STX17: variants seen among roughly 807,000 people sequenced by gnomAD.
The protein encoded by STX17 is syntaxin 17.
Under a neutral mutation model 35.9 loss-of-function variants are expected in STX17, and 29 were observed. That is an observed-to-expected ratio of 0.81 (90% CI 0.60 to 1.10). The LOEUF (loss-of-function observed/expected upper bound fraction) is 1.10. STX17 is among the 50% of genes least tolerant of loss of function. The pLI is 0.00. For missense variants in STX17, 312 were observed against 352.3 expected (o/e 0.89, Z 0.92); for synonymous variants, 92 against 118.3 (o/e 0.78, Z 1.44).
intron 3 of STX17, chr9:99,945,804 G>A (rs1229188981): frequency 2.8e-5 from 10 of 354,298 alleles, no homozygotes; most frequent in South Asian, 1.5e-4. Flanking sequence ...AGTTGCGGCC[G>A]GGCGCGGTGG....
At chr9:99,908,188 G>GGT (rs1238637174) in intron 1 of STX17, among the ~76,000 whole-genome samples, 1 of 152,114 alleles carries the variant, frequency 6.6e-6, no homozygotes, top group Non-Finnish European at 1.5e-5. Flanking sequence ...TTGATCACTT[G>GGT]GTAGAGAGTG....
chr9:99,928,033 A>G (rs1203354721), intron 2 of STX17, among the ~76,000 whole-genome samples: 2 of 152,210 alleles, frequency 1.3e-5, no homozygotes, highest in Non-Finnish European at 2.9e-5. Flanking sequence ...GGGAATGTGT[A>G]AAGTATCAAA....
At chr9:99,923,844 A>G (rs1290895280) in intron 2 of STX17, among the ~76,000 whole-genome samples, 2 of 152,294 alleles carry the variant, frequency 1.3e-5, no homozygotes, top group African/African-American at 2.4e-5. Context: ...TATAAAGGAT[A>G]TTACAAGGGA....
intron 3 of STX17, among the ~76,000 whole-genome samples, chr9:99,947,654 C>T (rs1219382623): frequency 3.3e-5 from 5 of 152,156 alleles, no homozygotes; most frequent in Non-Finnish European, 7.3e-5. Flanking sequence ...GTGAGCTACT[C>T]GAGACTGGAG....
intron 4 of STX17, among the ~76,000 whole-genome samples, chr9:99,953,011 A>G (rs965176024): frequency 1.3e-5 from 2 of 152,146 alleles, no homozygotes; most frequent in African/African-American, 4.8e-5. Context: ...CATGTACCCT[A>G]GAACTTAAAG....
At chr9:99,913,384 G>A (rs2118298183) in intron 1 of STX17, among the ~76,000 whole-genome samples, 1 of 151,106 alleles carries the variant, frequency 6.6e-6, no homozygotes, top group Non-Finnish European at 1.5e-5. Context: ...TTATTCCTCT[G>A]TGTTCTGAGT....
At chr9:99,906,971 A>T (rs527790733) in intron 1 of STX17, 1 of 152,286 alleles carries the variant, frequency 6.6e-6, no homozygotes, top group East Asian at 1.9e-4. Context: ...GGGGTGGAAA[A>T]GTTTCCGGCG....
intron 4 of STX17, among the ~76,000 whole-genome samples, chr9:99,952,261 C>A (rs1157623770): frequency 2.6e-5 from 4 of 151,918 alleles, no homozygotes; most frequent in Non-Finnish European, 4.4e-5. Context: ...TTTATGCAGC[C>A]AAAAAACACA....
At chr9:99,932,543 T>C (rs142534258) in intron 3 of STX17, among the ~76,000 whole-genome samples, 53 of 152,316 alleles carry the variant, frequency 3.5e-4, no homozygotes, top group Non-Finnish European at 5.1e-4. Flanking sequence ...TTAATGAGAT[T>C]ATTATGACTT....
chr9:99,968,406 C>A, intron 7 of STX17, 28 bp from the exon 8 acceptor site: 1 of 1,520,196 alleles, frequency 6.6e-7, no homozygotes, highest in South Asian at 1.4e-5. Flanking sequence ...AACTCAGTTT[C>A]TAAATTGAAT....
intron 3 of STX17, among the ~76,000 whole-genome samples, chr9:99,933,899 A>G (rs564871719): frequency 6.6e-6 from 1 of 152,332 alleles, no homozygotes; most frequent in African/African-American, 2.4e-5. Flanking sequence ...CTTAATATTT[A>G]GTAACAATAC....
chr9:99,917,658 C>T (rs1258460076), intron 2 of STX17, among the ~76,000 whole-genome samples: 1 of 152,122 alleles, frequency 6.6e-6, no homozygotes, highest in East Asian at 1.9e-4. Context: ...AGAATGTAAT[C>T]CTGAAATTTG....
At chr9:99,934,474 CTT>C (rs1000797541) in intron 3 of STX17, among the ~76,000 whole-genome samples, 4 of 152,014 alleles carry the variant, frequency 2.6e-5, no homozygotes, top group Non-Finnish European at 4.4e-5. Context: ...TTTCTGGTGA[CTT>C]TTGATGTTGA....
chr9:99,955,255 C>A (rs887037686), intron 4 of STX17, among the ~76,000 whole-genome samples: 12 of 151,982 alleles, frequency 7.9e-5, no homozygotes, highest in African/African-American at 2.9e-4. Flanking sequence ...GAACTTCAGA[C>A]CAGCGTATTG....
chr9:99,972,316 T>A lies in STX17; in HGVS notation c.*3643T>A, dbSNP rs1830031373. On this transcript the variant is annotated 3_prime_UTR_variant, in exon 8 of 8. Coordinates refer to ENST00000259400, the MANE Select transcript of STX17 (RefSeq NM_017919.3). ...CTTTTTAAAACAAATTTATCATAAT[T>A]CATAGATCAAATGATTATCCTTTAA... Among the ~76,000 whole-genome samples, 1 of 152,254 alleles carries A rather than the reference T, an allele frequency of 6.6e-6. No individual in the cohort carries two copies.
intron 2 of STX17, 113 bp from the exon 3 acceptor site, chr9:99,928,665 C>T: frequency 1.4e-6 from 1 of 732,654 alleles, no homozygotes; most frequent in South Asian, 2.1e-5. Context: ...AAATCACTCT[C>T]TTCTCTAGAT....
At chr9:99,959,885 A>T (rs775109249) in intron 4 of STX17, 32 bp from the exon 5 acceptor site, 1 of 1,486,952 alleles carries the variant, frequency 6.7e-7, no homozygotes. Context: ...AAGCAAATAA[A>T]CTCTAAACAT....
intron 3 of STX17, chr9:99,929,882 T>C (rs545950162): frequency 6.6e-6 from 1 of 151,270 alleles, no homozygotes; most frequent in Admixed American, 6.6e-5. Flanking sequence ...CTCTGTCACA[T>C]GCTGTCAGTA....
chr9:99,940,782 A>G (rs1446200739), intron 3 of STX17, among the ~76,000 whole-genome samples: 2 of 152,168 alleles, frequency 1.3e-5, no homozygotes, highest in Non-Finnish European at 2.9e-5. Context: ...CACCCGGCCT[A>G]GAATTTTACT....
Sources: gnomAD v4.1 joint callset for allele counts (sites outside exome capture counted in the v4.1 genomes callset) on GRCh38, gnomAD v4.1.1 for gene constraint, MANE v1.5 for transcripts, NCBI Gene and HGNC (gene_info 2026-07-23, HGNC 2026-07-21) for gene names.